GRM7: variants seen among roughly 807,000 people sequenced by gnomAD.
The protein encoded by GRM7 is metabotropic glutamate receptor 7.
GRM7 carries 35 observed loss-of-function variants against 84.5 expected under a neutral mutation model. The observed-to-expected ratio is 0.41, with a 90% CI of 0.32 to 0.55. The LOEUF (loss-of-function observed/expected upper bound fraction) is 0.55. Ranked by LOEUF, GRM7 falls within the 20% of genes least tolerant of loss-of-function variation. The pLI is 0.19. For synonymous variants in GRM7, 487 were observed against 455.1 expected (o/e 1.07, Z -0.89); for missense variants, 1,003 against 1,194.6 (o/e 0.84, Z 2.36).
At chr3:7,341,174 A>G (rs1450548432) in intron 4 of GRM7, among the ~76,000 whole-genome samples, 1 of 152,156 alleles carries the variant, frequency 6.6e-6, no homozygotes, top group Non-Finnish European at 1.5e-5. Flanking sequence ...TCTGAGTGAA[A>G]GTCAAAGGTC....
intron 1 of GRM7, among the ~76,000 whole-genome samples, chr3:6,865,274 T>C (rs1349829384): frequency 6.6e-6 from 1 of 152,172 alleles, no homozygotes; most frequent in Non-Finnish European, 1.5e-5. Context: ...ATCACAGAGT[T>C]GGGATGGCTG....
At chr3:7,196,587 T>G (rs1191504182) in intron 2 of GRM7, among the ~76,000 whole-genome samples, 1 of 152,128 alleles carries the variant, frequency 6.6e-6, no homozygotes, top group Non-Finnish European at 1.5e-5. Flanking sequence ...CGAAATGGCC[T>G]TTCACCTACT....
chr3:7,153,133 A>T (rs1257367905), intron 2 of GRM7, among the ~76,000 whole-genome samples: 138 of 103,314 alleles, frequency 1.3e-3, no homozygotes, highest in South Asian at 1.5e-3. Flanking sequence ...GGTACTGTGG[A>T]TTTTTTTTTT....
intron 1 of GRM7, among the ~76,000 whole-genome samples, chr3:6,891,516 A>T (rs1193673495): frequency 6.6e-6 from 1 of 152,058 alleles, no homozygotes; most frequent in Non-Finnish European, 1.5e-5. Context: ...GGATATGAAA[A>T]TCTGGGTTGA....
intron 2 of GRM7, among the ~76,000 whole-genome samples, chr3:7,269,915 C>A (rs1251981216): frequency 1.3e-5 from 2 of 152,026 alleles, no homozygotes; most frequent in Admixed American, 6.5e-5. Context: ...CTCTGTCATT[C>A]TAACTCTCCC....
At chr3:7,444,657 A>C (rs890894463) in intron 5 of GRM7, among the ~76,000 whole-genome samples, 7 of 152,046 alleles carry the variant, frequency 4.6e-5, no homozygotes, top group African/African-American at 1.7e-4. Context: ...CCTCCTTTCA[A>C]CCTCAGTCCC....
At chr3:6,915,064 C>G (rs1018319918) in intron 1 of GRM7, among the ~76,000 whole-genome samples, 4 of 152,136 alleles carry the variant, frequency 2.6e-5, no homozygotes, top group African/African-American at 9.7e-5. Context: ...ATATTCCTTA[C>G]TTAGGACTTA....
chr3:7,508,792 G>T (rs905915032), intron 7 of GRM7, among the ~76,000 whole-genome samples: 1 of 152,164 alleles, frequency 6.6e-6, no homozygotes, highest in Non-Finnish European at 1.5e-5. Flanking sequence ...GTCAGCTCAA[G>T]ATATTTTTAT....
At chr3:6,870,485 G>T (rs1008419658) in intron 1 of GRM7, among the ~76,000 whole-genome samples, 25 of 152,132 alleles carry the variant, frequency 1.6e-4, no homozygotes, top group African/African-American at 6.0e-4. Flanking sequence ...GATGTGACGG[G>T]GCTAGTTCAT....
chr3:7,242,129 G>T (rs189074056), intron 2 of GRM7, among the ~76,000 whole-genome samples: 114 of 152,216 alleles, frequency 7.5e-4, no homozygotes, highest in African/African-American at 2.6e-3. Context: ...ATTCCCTGCA[G>T]GATATATCTA....
Position 7,430,092 on chromosome 3 carries a change from A to G in GRM7, c.1174+14929A>G, listed in dbSNP as rs112507786. On this transcript the variant is annotated intron_variant, in intron 5 of 9. Coordinates refer to ENST00000357716, the MANE Select transcript of GRM7 (RefSeq NM_000844.4). Reference sequence around the variant, plus strand: ...TTGAGCCCAGAAATTCAAGGCCAGCATGGATACTATAGAGAGACCTTATCT... The same window carrying G: ...TTGAGCCCAGAAATTCAAGGCCAGCGTGGATACTATAGAGAGACCTTATCT... 9.9e-4 allele frequency among the ~76,000 whole-genome samples: 151 copies of G among 152,336 alleles called. 1 individual carries two copies. The highest frequency in any genetic ancestry group is 3.2e-3 in the Admixed American group (49 of 15,300).
intron 8 of GRM7, among the ~76,000 whole-genome samples, chr3:7,649,522 A>AT (rs1347729617): frequency 6.6e-6 from 1 of 152,058 alleles, no homozygotes; most frequent in African/African-American, 2.4e-5. Context: ...GTCTCTTGCG[A>AT]TTTTTTGTTG....
chr3:7,200,623 C>T (rs1403679611), intron 2 of GRM7, among the ~76,000 whole-genome samples: 2 of 152,150 alleles, frequency 1.3e-5, no homozygotes, highest in South Asian at 2.1e-4. Context: ...CAGACTGCTG[C>T]ACTCACCCCC....
intron 8 of GRM7, among the ~76,000 whole-genome samples, chr3:7,671,611 C>A (rs1390706725): frequency 6.7e-6 from 1 of 150,284 alleles, no homozygotes; most frequent in African/African-American, 2.5e-5. Flanking sequence ...ATCTAGTTGC[C>A]TCCATTATTT....
chr3:7,374,917 T>C (rs1401964045), intron 4 of GRM7, among the ~76,000 whole-genome samples: 1 of 152,150 alleles, frequency 6.6e-6, no homozygotes. Flanking sequence ...ATGGAGATTA[T>C]AATTCCTGCC....
intron 1 of GRM7, among the ~76,000 whole-genome samples, chr3:6,922,743 A>G (rs563161120): frequency 3.3e-4 from 50 of 152,350 alleles, no homozygotes; most frequent in Admixed American, 8.5e-4. Context: ...AATTCATCTG[A>G]AAAGAAGCTC....
At chr3:7,605,540 G>A (rs1253635184) in intron 8 of GRM7, among the ~76,000 whole-genome samples, 1 of 151,940 alleles carries the variant, frequency 6.6e-6, no homozygotes, top group Non-Finnish European at 1.5e-5. Context: ...AATAATCCTG[G>A]GGCATAATAT....
chr3:7,385,359 G>A (rs556041676), intron 4 of GRM7, among the ~76,000 whole-genome samples: 1 of 139,506 alleles, frequency 7.2e-6, no homozygotes, highest in East Asian at 2.3e-4. Flanking sequence ...GGAGTGCAGT[G>A]GCGTGATCTT....
At chr3:7,606,616 C>A (rs982103539) in intron 8 of GRM7, among the ~76,000 whole-genome samples, 1 of 152,174 alleles carries the variant, frequency 6.6e-6, no homozygotes, top group Non-Finnish European at 1.5e-5. Flanking sequence ...TCACTGCAAC[C>A]TCTGCCTCCT....
Sources: allele counts gnomAD v4.1 joint callset (sites outside exome capture counted in the v4.1 genomes callset), GRCh38; gene constraint gnomAD v4.1.1; transcripts MANE v1.5; gene names NCBI Gene and HGNC (gene_info 2026-07-23, HGNC 2026-07-21).